PIAS2: variants seen among roughly 807,000 people sequenced by gnomAD.
The protein encoded by PIAS2 is E3 SUMO-protein ligase PIAS2.
In PIAS2, 19 loss-of-function variants were observed where a neutral mutation model predicts 69.7. The observed-to-expected ratio is 0.27, with a 90% CI of 0.19 to 0.40. PIAS2 has a LOEUF of 0.40. PIAS2 is among the 10% of genes least tolerant of loss of function. The probability of loss-of-function intolerance (pLI) is 1.00; values close to 1 mark genes in which losing one functional copy is unlikely to be tolerated. For synonymous variants in PIAS2, 261 were observed against 263.2 expected, an observed-to-expected ratio of 0.99 and a Z score of 0.08; for missense variants, 624 against 757.0, an observed-to-expected ratio of 0.82 and a Z score of 2.06.
intron 1 of PIAS2, among the ~76,000 whole-genome samples, chr18:46,914,200 A>T (rs1364665533): frequency 6.6e-6 from 1 of 152,188 alleles, no homozygotes; most frequent in African/African-American, 2.4e-5. Flanking sequence ...TATTGTAACC[A>T]TCTTTGAGCA....
At chr18:46,856,645 C>T (rs2047885120) in intron 3 of PIAS2, among the ~76,000 whole-genome samples, 2 of 152,174 alleles carry the variant, frequency 1.3e-5, no homozygotes, top group Non-Finnish European at 2.9e-5. Flanking sequence ...CAGGCCCCAT[C>T]CTAGACCTAT....
intron 3 of PIAS2, among the ~76,000 whole-genome samples, chr18:46,862,709 G>T (rs186357201): frequency 6.6e-6 from 1 of 151,132 alleles, no homozygotes; most frequent in East Asian, 1.9e-4. Context: ...ACACATATAT[G>T]TATATATTCT....
intron 12 of PIAS2, chr18:46,815,850 G>A (rs1442908153): frequency 1.3e-5 from 13 of 986,304 alleles, no homozygotes; most frequent in East Asian, 2.3e-4. Context: ...ATAGTCCAAC[G>A]CTCTGCACAA....
intron 1 of PIAS2, among the ~76,000 whole-genome samples, chr18:46,895,055 G>A (rs1170305897): frequency 1.1e-4 from 17 of 147,892 alleles, no homozygotes; most frequent in East Asian, 4.0e-4. Context: ...CCTAGGCAAC[G>A]AGAGGGAAAC....
At chr18:46,835,647 T>C (rs1393057601) in intron 9 of PIAS2, among the ~76,000 whole-genome samples, 41 of 152,208 alleles carry the variant, frequency 2.7e-4, no homozygotes, top group Non-Finnish European at 1.5e-5. Flanking sequence ...CTTTTCACTA[T>C]ATATTGAGTA....
chr18:46,880,578 G>A (rs1320950538), intron 2 of PIAS2, among the ~76,000 whole-genome samples: 1 of 152,156 alleles, frequency 6.6e-6, no homozygotes, highest in Non-Finnish European at 1.5e-5. Flanking sequence ...GGGCAACACA[G>A]TGAGACCCCC....
intron 3 of PIAS2, among the ~76,000 whole-genome samples, chr18:46,857,243 C>A (rs567834128): frequency 6.6e-6 from 1 of 152,218 alleles, no homozygotes; most frequent in Non-Finnish European, 1.5e-5. Context: ...TATCAAGACA[C>A]ATTTCATATT....
chr18:46,840,962 TCAG>T (rs888919766), intron 8 of PIAS2, among the ~76,000 whole-genome samples: 7 of 151,956 alleles, frequency 4.6e-5, no homozygotes, highest in Non-Finnish European at 1.0e-4. Context: ...CCAACTCTTT[TCAG>T]CAGGACTTTT....
chr18:46,855,487 T>C (rs2047601541), intron 4 of PIAS2, 52 bp from the exon 5 acceptor site: 4 of 1,564,568 alleles, frequency 2.6e-6, no homozygotes, highest in Non-Finnish European at 3.5e-6. Context: ...CAAACATTCT[T>C]ATATGTTTTA....
chr18:46,843,996 G>A (rs940946792), intron 8 of PIAS2, 58 bp downstream of exon 8: 1 of 953,136 alleles, frequency 1.0e-6, no homozygotes, highest in African/African-American at 1.7e-5. Context: ...ACTTTTATAG[G>A]AAAGTTAATC....
chr18:46,880,089 T>TAAAAAAAAAA (rs58230183), intron 2 of PIAS2, among the ~76,000 whole-genome samples: 7 of 110,398 alleles, frequency 6.3e-5, no homozygotes, highest in Non-Finnish European at 1.3e-4. Flanking sequence ...TTTACCACAG[T>TAAAAAAAAAA]AAAAAAAAAA....
At chr18:46,875,744 T>C (rs891586760) in intron 2 of PIAS2, among the ~76,000 whole-genome samples, 2 of 152,184 alleles carry the variant, frequency 1.3e-5, no homozygotes, top group African/African-American at 4.8e-5. Flanking sequence ...ACGGATTAAA[T>C]ATTCCATCCG....
chr18:46,909,101 G>A (rs1041462619), intron 1 of PIAS2, among the ~76,000 whole-genome samples: 4 of 152,086 alleles, frequency 2.6e-5, no homozygotes, highest in Non-Finnish European at 4.4e-5. Flanking sequence ...TTAAAAATCA[G>A]TATGAAATAA....
rs1311540807 is a variant in PIAS2 at position 46,804,335 on chromosome 18, G to C, written c.*8098C>G. 6.6e-6 allele frequency: 1 copy of C among 152,168 alleles called. No homozygotes were observed. Among genetic ancestry groups the C allele is most frequent in the Admixed American group, 6.5e-5 (1 of 15,278 alleles). 9.4% of individuals were successfully genotyped at this position (152,168 alleles called of 1,614,324 possible). ...CTTGCTTTTTAGATAGAATGATCAA[G>C]AAAGGCCTCTGAGAAAGTAGTTAAA... On this transcript the variant is annotated 3_prime_UTR_variant, in exon 14 of 14. Coordinates refer to ENST00000585916, the MANE Select transcript of PIAS2 (RefSeq NM_004671.5).
chr18:46,875,909 C>T (rs114416555), intron 2 of PIAS2, among the ~76,000 whole-genome samples: 1,679 of 152,302 alleles, frequency 0.011, 17 homozygotes, highest in Non-Finnish European at 0.017. Flanking sequence ...TGAATTATGC[C>T]AAGCTCTCTC....
intron 12 of PIAS2, chr18:46,818,105 T>C (rs1485337578): frequency 3.9e-6 from 4 of 1,033,924 alleles, no homozygotes; most frequent in Non-Finnish European, 4.6e-6. Context: ...AATTTAAAAA[T>C]TTTAAGTGCT....
intron 1 of PIAS2, chr18:46,915,494 T>A (rs1303761591): frequency 6.6e-6 from 1 of 151,932 alleles, no homozygotes; most frequent in East Asian, 1.9e-4. Flanking sequence ...GTTGGGCACG[T>A]CATATGAATT....
At chr18:46,872,085 C>A (rs1024918367) in intron 2 of PIAS2, among the ~76,000 whole-genome samples, 2 of 152,124 alleles carry the variant, frequency 1.3e-5, no homozygotes, top group African/African-American at 4.8e-5. Flanking sequence ...AACCTGTAGT[C>A]GAAGGTCTCA....
At chr18:46,815,738 T>G in intron 12 of PIAS2, 2 of 1,001,338 alleles carry the variant, frequency 2.0e-6, no homozygotes, top group Non-Finnish European at 2.4e-6. Context: ...TTCACATTTA[T>G]TTTTCAGAAA....
Sources: gnomAD v4.1 joint callset for allele counts (sites outside exome capture counted in the v4.1 genomes callset) on GRCh38, gnomAD v4.1.1 for gene constraint, MANE v1.5 for transcripts, NCBI Gene and HGNC (gene_info 2026-07-23, HGNC 2026-07-21) for gene names.